KSR2: variants seen among roughly 807,000 people sequenced by gnomAD.
KSR2 encodes kinase suppressor of ras 2.
KSR2 carries 25 observed loss-of-function variants against 107.8 expected under a neutral mutation model. The ratio of observed to expected loss-of-function variants is 0.23; its 90% confidence interval spans 0.17 to 0.32. The LOEUF is 0.32. KSR2 is among the 10% of genes least tolerant of loss of function. KSR2 has a pLI of 1.00. For missense variants in KSR2, 887 were observed against 1,268.9 expected (o/e 0.70, Z 4.57); for synonymous variants, 480 against 507.0 (o/e 0.95, Z 0.71).
intron 4 of KSR2, among the ~76,000 whole-genome samples, chr12:117,760,527 T>C (rs1267795404): frequency 6.6e-6 from 1 of 152,272 alleles, no homozygotes. Flanking sequence ...TTTCATTCTT[T>C]TTAATGTGAC....
At chr12:117,848,815 G>A (rs1566048238) in intron 3 of KSR2, among the ~76,000 whole-genome samples, 1 of 147,038 alleles carries the variant, frequency 6.8e-6, no homozygotes, top group Non-Finnish European at 1.5e-5. Flanking sequence ...CAGTGATGGT[G>A]GTGGGTGGTG....
intron 2 of KSR2, among the ~76,000 whole-genome samples, chr12:117,856,985 C>T (rs539276633): frequency 4.7e-4 from 72 of 152,292 alleles, no homozygotes; most frequent in Non-Finnish European, 7.8e-4. Context: ...CACTTAGAGG[C>T]TTTCTCAAAT....
intron 1 of KSR2, among the ~76,000 whole-genome samples, chr12:117,952,180 C>CACACACAT (rs1173652388): frequency 2.6e-5 from 4 of 151,794 alleles, no homozygotes; most frequent in South Asian, 4.2e-4. Flanking sequence ...CACACACACA[C>CACACACAT]ACACATACAC....
intron 7 of KSR2, among the ~76,000 whole-genome samples, chr12:117,566,561 T>C (rs951339299): frequency 2.6e-5 from 4 of 152,226 alleles, no homozygotes; most frequent in African/African-American, 9.6e-5. Context: ...GCAAAGGACA[T>C]GATCTCGTTC....
At chr12:117,525,360 T>C in intron 13 of KSR2, 141 bp from the exon 14 acceptor site, 1 of 947,312 alleles carries the variant, frequency 1.1e-6, no homozygotes, top group African/African-American at 1.7e-5. Context: ...CATACGTCCC[T>C]CTGTTTCCCC....
intron 14 of KSR2, among the ~76,000 whole-genome samples, chr12:117,506,508 G>A (rs1352312084): frequency 6.6e-6 from 1 of 152,176 alleles, no homozygotes; most frequent in Non-Finnish European, 1.5e-5. Flanking sequence ...GTTTGCTTCA[G>A]AGATTGAGAA....
Position 117,702,369 on chromosome 12 carries a change from C to T in KSR2, c.987-34711G>A, listed in dbSNP as rs192707092. 2.1e-4 allele frequency among the ~76,000 whole-genome samples: 29 copies of T among 140,426 alleles called. No individual in the cohort carries two copies. The East Asian group carries it at 4.1e-3, about 20-fold the overall frequency. The allele number at this position is 140,426 out of a possible 152,430, so 92.1% of individuals were successfully genotyped here. ...TGTGTGTCTTCTTCACCCCTATCAC[C>T]GAGCTATCTACACAGCACCTGATGT... On this transcript the variant is annotated intron_variant, in intron 4 of 19. Transcript: ENST00000339824.
intron 1 of KSR2, among the ~76,000 whole-genome samples, chr12:117,945,693 A>G (rs1162507708): frequency 6.6e-6 from 1 of 152,110 alleles, no homozygotes; most frequent in Non-Finnish European, 1.5e-5. Context: ...AATAATAACA[A>G]TAATAATAAT....
At chr12:117,728,671 T>A (rs571624061) in intron 4 of KSR2, among the ~76,000 whole-genome samples, 2 of 152,318 alleles carry the variant, frequency 1.3e-5, no homozygotes, top group African/African-American at 2.4e-5. Flanking sequence ...ATAACGGCCG[T>A]GCCGCCCTCA....
At chr12:117,958,142 C>T (rs1437556851) in intron 1 of KSR2, among the ~76,000 whole-genome samples, 4 of 152,060 alleles carry the variant, frequency 2.6e-5, no homozygotes, top group Non-Finnish European at 5.9e-5. Context: ...TGAGGTTGAC[C>T]ACTTTGTGCA....
At position 117,597,654 on chromosome 12, in the gene KSR2, A is replaced by G. The variant is rs530227878; in HGVS notation, c.1172-15295T>C. Among the ~76,000 whole-genome samples, 7 of 152,314 alleles carry G rather than the reference A, an allele frequency of 4.6e-5. No homozygotes were observed. The South Asian group carries it at 1.5e-3, about 32-fold the overall frequency. On this transcript the variant is annotated intron_variant, in intron 5 of 19. Transcript: ENST00000339824. ...TTTTGGAATTACGACCTCCGGAATG[A>G]TTAAAAAATATGTTTGTGTTGCTTT...
At chr12:117,525,762 G>A (rs1368151050) in intron 13 of KSR2, among the ~76,000 whole-genome samples, 4 of 152,168 alleles carry the variant, frequency 2.6e-5, no homozygotes, top group African/African-American at 4.8e-5. Flanking sequence ...CTGCCAACAT[G>A]GAGTATCTTT....
intron 14 of KSR2, among the ~76,000 whole-genome samples, chr12:117,511,841 T>C (rs1874042398): frequency 6.6e-6 from 1 of 152,206 alleles, no homozygotes; most frequent in African/African-American, 2.4e-5. Flanking sequence ...AGAGAGGACA[T>C]GTCTCCTGGA....
intron 1 of KSR2, among the ~76,000 whole-genome samples, chr12:117,924,017 T>C (rs1411803159): frequency 6.6e-6 from 1 of 151,414 alleles, no homozygotes; most frequent in Non-Finnish European, 1.5e-5. Flanking sequence ...TAGCTGGGAT[T>C]ACAGGCATGC....
chr12:117,896,902 TA>T (rs1377344014), intron 1 of KSR2, among the ~76,000 whole-genome samples: 1 of 152,166 alleles, frequency 6.6e-6, no homozygotes, highest in Non-Finnish European at 1.5e-5. Flanking sequence ...TCCATCTTTA[TA>T]AAATGGGTAG....
intron 5 of KSR2, among the ~76,000 whole-genome samples, chr12:117,603,368 T>C (rs1187347127): frequency 6.6e-6 from 1 of 152,246 alleles, no homozygotes; most frequent in African/African-American, 2.4e-5. Flanking sequence ...AAGATTACAG[T>C]AGCCCTATGC....
chr12:117,862,367 G>C (rs1216350929), intron 1 of KSR2, among the ~76,000 whole-genome samples: 1 of 152,078 alleles, frequency 6.6e-6, no homozygotes, highest in African/African-American at 2.4e-5. Flanking sequence ...TGAATTCTAG[G>C]ATCAAAAAAT....
At chr12:117,545,283 G>T (rs1369518477) in intron 9 of KSR2, among the ~76,000 whole-genome samples, 1 of 151,976 alleles carries the variant, frequency 6.6e-6, no homozygotes, top group African/African-American at 2.4e-5. Context: ...TTGTACTCTG[G>T]CTTTAGTATC....
chr12:117,968,919 G>A lies in KSR2; in HGVS notation c.-664C>T. ...TGCTGCTGCTGCTGCTGCTGCCGCC[G>A]CCGGGCTCCGGGGGTGACGGTTGCT... On this transcript the variant is annotated 5_prime_UTR_variant, in exon 1 of 20. Transcript: ENST00000339824. The A allele has an allele frequency of 3.9e-6, 1 of 257,468 alleles. No homozygotes were observed. The highest frequency in any genetic ancestry group is 3.5e-5 in the South Asian group (1 of 28,770). 15.9% of individuals were successfully genotyped at this position (257,468 alleles called of 1,614,324 possible). A position where few individuals can be genotyped will look rare whatever the true frequency, so the allele number is the denominator to read the frequency against.
Sources: gnomAD v4.1 joint callset for allele counts (sites outside exome capture counted in the v4.1 genomes callset) on GRCh38, gnomAD v4.1.1 for gene constraint, MANE v1.5 for transcripts, NCBI Gene and HGNC (gene_info 2026-07-23, HGNC 2026-07-21) for gene names.